Variants in SCML4 observed in about 807,000 individuals in gnomAD.
The protein encoded by SCML4 is sex comb on midleg-like protein 4.
SCML4 carries 34 observed loss-of-function variants against 41.1 expected under a neutral mutation model. The observed-to-expected ratio is 0.83, with a 90% CI of 0.63 to 1.10. SCML4 has a LOEUF of 1.10. Ranked by LOEUF, SCML4 falls within the 50% of genes least tolerant of loss-of-function variation. SCML4 has a pLI of 0.00. For missense variants in SCML4, 522 were observed against 534.1 expected (o/e 0.98, Z 0.22); for synonymous variants, 214 against 220.9 (o/e 0.97, Z 0.28).
intron 1 of SCML4, among the ~76,000 whole-genome samples, chr6:107,789,966 A>T (rs1170454007): frequency 6.6e-6 from 1 of 152,208 alleles, no homozygotes; most frequent in Non-Finnish European, 1.5e-5. Context: ...ACGTACTCCC[A>T]CCGTATAGAT....
At chr6:107,824,992 G>A (rs542467760), upstream of SCML4, among the ~76,000 whole-genome samples, 18 of 152,046 alleles carry the variant, frequency 1.2e-4, no homozygotes, top group Non-Finnish European at 2.1e-4. Context: ...TTTGGCTCCA[G>A]GCCTGTATGT....
the SCML4 span, among the ~76,000 whole-genome samples, chr6:107,838,372 G>A: frequency 2.8e-4 from 42 of 152,196 alleles, no homozygotes; most frequent in Non-Finnish European, 5.4e-4. Flanking sequence ...GGATTGCAAA[G>A]GAAACCAGAT....
intron 1 of SCML4, among the ~76,000 whole-genome samples, chr6:107,790,909 A>G (rs1782274680): frequency 6.6e-6 from 1 of 152,056 alleles, no homozygotes; most frequent in Non-Finnish European, 1.5e-5. Flanking sequence ...GTATCTACTA[A>G]AAATACAAAA....
rs921426919 is a variant in SCML4 at position 107,819,026 on chromosome 6, A to C, written c.-60+5100T>G. 3.3e-5 allele frequency among the ~76,000 whole-genome samples: 5 copies of C among 151,766 alleles called. No homozygotes were observed. In the South Asian group the frequency reaches 6.3e-4, roughly 19 times the overall value. ...GAAGAGAAAATATTTTCTTCAGTTC[A>C]AAAGAAAAGGCCCCTATGGTCTATG... On this transcript the variant is annotated intron_variant, in intron 1 of 7. Transcript: ENST00000369020.
chr6:107,814,741 C>T (rs564967059), intron 1 of SCML4, among the ~76,000 whole-genome samples: 17 of 152,242 alleles, frequency 1.1e-4, no homozygotes, highest in African/African-American at 3.9e-4. Flanking sequence ...TTAGTAGAGA[C>T]GGGGTTTCGC....
At chr6:107,816,224 G>A (rs867269510) in intron 1 of SCML4, among the ~76,000 whole-genome samples, 7 of 152,282 alleles carry the variant, frequency 4.6e-5, no homozygotes, top group African/African-American at 9.6e-5. Flanking sequence ...GATCAAACAC[G>A]ATAAGTAAGA....
upstream of SCML4, among the ~76,000 whole-genome samples, chr6:107,827,226 T>G (rs891349957): frequency 4.1e-5 from 6 of 147,280 alleles, no homozygotes; most frequent in African/African-American, 1.5e-4. Flanking sequence ...AAATATATCT[T>G]TATATTTTTA....
At chr6:107,827,557 G>C (rs979806736), upstream of SCML4, among the ~76,000 whole-genome samples, 1 of 152,088 alleles carries the variant, frequency 6.6e-6, no homozygotes, top group African/African-American at 2.4e-5. Context: ...GGGATGACTG[G>C]TATTAGCTGA....
chr6:107,844,642 T>A, the SCML4 span, among the ~76,000 whole-genome samples: 1 of 152,126 alleles, frequency 6.6e-6, no homozygotes, highest in Admixed American at 6.5e-5. Context: ...GAGGTCACAG[T>A]GAGCCTATAG....
chr6:107,746,928 G>A (rs369225175), intron 3 of SCML4, 39 bp from the exon 4 acceptor site: 41 of 1,550,880 alleles, frequency 2.6e-5, no homozygotes, highest in South Asian at 4.6e-5. Flanking sequence ...GGCATCAGGC[G>A]CGCATCAGGC....
At chr6:107,820,964 T>C (rs1784907157) in intron 1 of SCML4, among the ~76,000 whole-genome samples, 1 of 152,230 alleles carries the variant, frequency 6.6e-6, no homozygotes, top group Non-Finnish European at 1.5e-5. Flanking sequence ...TAATGGTCTG[T>C]GGACCACGTT....
chr6:107,825,221 G>T (rs1173825074), upstream of SCML4, among the ~76,000 whole-genome samples: 1 of 152,194 alleles, frequency 6.6e-6, no homozygotes, highest in African/African-American at 2.4e-5. Context: ...CATATTCACA[G>T]GTATTTCCTA....
intron 5 of SCML4, among the ~76,000 whole-genome samples, chr6:107,731,788 G>T (rs993889995): frequency 1.6e-4 from 24 of 152,228 alleles, no homozygotes; most frequent in Non-Finnish European, 3.5e-4. Context: ...GCAGTTCGCA[G>T]ATTTGTAGAG....
chr6:107,841,476 T>A, the SCML4 span, among the ~76,000 whole-genome samples: 1 of 152,196 alleles, frequency 6.6e-6, no homozygotes, highest in Middle Eastern at 3.2e-3. Context: ...CACTGCCTGC[T>A]CACAGATAGA....
chr6:107,824,543 C>G (rs1279919774), upstream of SCML4, among the ~76,000 whole-genome samples: 1 of 81,706 alleles, frequency 1.2e-5, no homozygotes, highest in Admixed American at 1.3e-4. Flanking sequence ...TCTTAGCAGC[C>G]TAAGAGAAAT....
At chr6:107,725,575 T>A (rs761825072) in intron 5 of SCML4, among the ~76,000 whole-genome samples, 1 of 152,074 alleles carries the variant, frequency 6.6e-6, no homozygotes, top group Non-Finnish European at 1.5e-5. Context: ...TGTAAAAGAC[T>A]AAAGGAAAGC....
intron 1 of SCML4, among the ~76,000 whole-genome samples, chr6:107,788,559 A>G (rs1383394549): frequency 1.3e-5 from 2 of 152,232 alleles, no homozygotes; most frequent in Admixed American, 6.5e-5. Flanking sequence ...AAATACACCC[A>G]TCCAGACAAT....
chr6:107,720,235 T>C (rs1261431604), intron 6 of SCML4: 2 of 673,706 alleles, frequency 3.0e-6, no homozygotes, highest in East Asian at 2.7e-4. Flanking sequence ...GAGATGTGAG[T>C]GGAAGTGATG....
At chr6:107,761,121 GA>G (rs1779550996) in intron 2 of SCML4, among the ~76,000 whole-genome samples, 1 of 152,072 alleles carries the variant, frequency 6.6e-6, no homozygotes, top group Non-Finnish European at 1.5e-5. Flanking sequence ...TGAGAAGTTT[GA>G]AACATAAGAG....
Sources: gnomAD v4.1 joint callset for allele counts (sites outside exome capture counted in the v4.1 genomes callset) on GRCh38, gnomAD v4.1.1 for gene constraint, MANE v1.5 for transcripts, NCBI Gene and HGNC (gene_info 2026-07-23, HGNC 2026-07-21) for gene names.